The following DOCK3 variants were observed in gnomAD, a reference collection of about 807,000 sequenced individuals.
The protein encoded by DOCK3 is dedicator of cytokinesis protein 3.
Under a neutral mutation model 265.6 loss-of-function variants are expected in DOCK3, and 60 were observed. That is an observed-to-expected ratio of 0.23 (90% CI 0.18 to 0.28). DOCK3 has a LOEUF of 0.28. Ranked by LOEUF, DOCK3 falls within the 10% of genes least tolerant of loss-of-function variation. DOCK3 has a pLI of 1.00. For synonymous variants in DOCK3, 881 were observed against 938.0 expected, an observed-to-expected ratio of 0.94 and a Z score of 1.11; for missense variants, 1,981 against 2,594.3, an observed-to-expected ratio of 0.76 and a Z score of 5.14.
intron 2 of DOCK3, chr3:50,786,759 C>T: frequency 1.4e-6 from 1 of 737,054 alleles, no homozygotes; most frequent in Non-Finnish European, 2.6e-6. Flanking sequence ...GTGTTGAAAT[C>T]CTTGCCACAC....
intron 1 of DOCK3, among the ~76,000 whole-genome samples, chr3:50,707,435 TAA>T (rs778924258): frequency 3.7e-5 from 5 of 136,836 alleles, no homozygotes; most frequent in East Asian, 2.1e-4. Flanking sequence ...AGACTCTGTC[TAA>T]AAAAAAAAAA....
intron 9 of DOCK3, among the ~76,000 whole-genome samples, chr3:51,106,916 C>T (rs191924166): frequency 1.3e-4 from 20 of 152,364 alleles, no homozygotes; most frequent in Non-Finnish European, 2.9e-5. Context: ...CAAGATCCCG[C>T]TGCCACCACC....
Position 51,374,454 on chromosome 3 carries a change from C to T in DOCK3, c.5294-15C>T. 2 of 1,606,314 alleles carry T rather than the reference C, an allele frequency of 1.2e-6. No homozygotes were observed. Among genetic ancestry groups the T allele is most frequent in the Non-Finnish European group, 1.7e-6 (2 of 1,176,420 alleles). ...GGCTTGTCATCTGTGCTTGATTGTT[C>T]TCACTTGGTTACAGGCTCTCCCTCT... is the stretch of plus-strand genomic sequence containing the variant. On this transcript the variant is annotated splice_polypyrimidine_tract_variant and intron_variant, in intron 49 of 52. Coordinates refer to ENST00000266037, the MANE Select transcript of DOCK3 (RefSeq NM_004947.5). The surrounding 1 kb of genome is among the most constrained non-coding windows in gnomAD (Gnocchi z 4.8).
intron 12 of DOCK3, among the ~76,000 whole-genome samples, chr3:51,193,048 T>C (rs1157775423): frequency 2.6e-5 from 4 of 152,212 alleles, no homozygotes; most frequent in South Asian, 2.1e-4. Flanking sequence ...ATGGTAGTTA[T>C]GGGTTTGTTG....
chr3:51,081,039 T>G (rs1302517479), intron 7 of DOCK3, among the ~76,000 whole-genome samples: 1 of 152,200 alleles, frequency 6.6e-6, no homozygotes, highest in African/African-American at 2.4e-5. Flanking sequence ...GGGACATATA[T>G]TTCCATGAAT....
chr3:51,312,689 G>T, intron 30 of DOCK3, 113 bp downstream of exon 30: 2 of 1,260,486 alleles, frequency 1.6e-6, no homozygotes, highest in Non-Finnish European at 2.2e-6. Context: ...TTTCCCAGGG[G>T]CCCAAGTGTG....
At chr3:51,180,404 T>C (rs973895377) in intron 12 of DOCK3, among the ~76,000 whole-genome samples, 1 of 152,144 alleles carries the variant, frequency 6.6e-6, no homozygotes, top group African/African-American at 2.4e-5. Flanking sequence ...AAGCCAGAAG[T>C]CTGAAATCAA....
In DOCK3 at chr3:50,901,322, C is replaced by A. The variant is rs1198990715; in HGVS notation, c.218+11241C>A. Among the ~76,000 whole-genome samples, 4 of 152,110 alleles carry A rather than the reference C, an allele frequency of 2.6e-5. No homozygotes were observed. The East Asian group carries it at 5.8e-4, about 22-fold the overall frequency. ...CCTTAGTAATGGCAGACACCCCTCC[C>A]CCCACCAAGCTCGAGTGTCCCAGGT... is the stretch of plus-strand genomic sequence containing the variant. On this transcript the variant is annotated intron_variant, in intron 4 of 52. Transcript: ENST00000266037.
Position 51,253,196 on chromosome 3 carries a change from G to A in DOCK3, c.2184+6389G>A, listed in dbSNP as rs1004672991. 2.0e-5 allele frequency among the ~76,000 whole-genome samples: 3 copies of A among 152,168 alleles called. No individual in the cohort carries two copies. In the East Asian group the frequency reaches 5.8e-4, roughly 29 times the overall value. On this transcript the variant is annotated intron_variant, in intron 22 of 52. Transcript: ENST00000266037. ...GGTTTGCATATGTTGAACCAGCCTT[G>A]CATCAAAGGATGAAGCCCACTTGAT...
intron 3 of DOCK3, among the ~76,000 whole-genome samples, chr3:50,844,923 T>A (rs1471751827): frequency 6.6e-6 from 1 of 152,162 alleles, no homozygotes; most frequent in Non-Finnish European, 1.5e-5. Flanking sequence ...GTTAGAGTCA[T>A]CAAAATATTA....
At chr3:50,890,657 G>A (rs140901846) in intron 4 of DOCK3, among the ~76,000 whole-genome samples, 195 of 152,006 alleles carry the variant, frequency 1.3e-3, no homozygotes, top group African/African-American at 3.5e-3. Flanking sequence ...TTATAGTTTC[G>A]ATTTTATTTT....
intron 2 of DOCK3, among the ~76,000 whole-genome samples, chr3:50,841,353 ACAATTTTAG>A (rs1165788617): frequency 1.3e-5 from 2 of 152,222 alleles, no homozygotes; most frequent in Non-Finnish European, 2.9e-5. Context: ...AAAAAGTGAT[ACAATTTTAG>A]CATTTCTCTG....
intron 4 of DOCK3, among the ~76,000 whole-genome samples, chr3:50,916,216 C>T (rs1575521899): frequency 6.6e-6 from 1 of 152,160 alleles, no homozygotes; most frequent in East Asian, 1.9e-4. Context: ...TTGAGGCCTT[C>T]AACTGTCCAG....
chr3:51,372,158 C>T (rs745671443), intron 49 of DOCK3, among the ~76,000 whole-genome samples: 1 of 152,180 alleles, frequency 6.6e-6, no homozygotes, highest in South Asian at 2.1e-4. Flanking sequence ...CCCTGCTGAT[C>T]AAAAGGCTGA....
intron 13 of DOCK3, among the ~76,000 whole-genome samples, chr3:51,209,904 A>G (rs2089413855): frequency 1.3e-5 from 2 of 152,338 alleles, no homozygotes; most frequent in South Asian, 4.1e-4. Context: ...TTTAAATGAC[A>G]GTATTCCCTT....
In DOCK3 at chr3:50,748,207, A is replaced by G. The variant is rs563917688; in HGVS notation, c.38-30468A>G. On this transcript the variant is annotated intron_variant, in intron 1 of 52. Transcript: ENST00000266037. ...TTTTCTTTAGAGATGGGGTCTTGCT[A>G]TGTTGCCCAGGCTGATCTTGAATTC... Among the ~76,000 whole-genome samples the G allele has an allele frequency of 3.9e-5, 6 of 152,192 alleles. No homozygotes were observed. The South Asian group carries it at 8.3e-4, about 21-fold the overall frequency.
At chr3:50,790,472 G>GC (rs1353074166) in intron 2 of DOCK3, among the ~76,000 whole-genome samples, 1 of 59,696 alleles carries the variant, frequency 1.7e-5, no homozygotes, top group Non-Finnish European at 4.3e-5. Context: ...AATATTTAGA[G>GC]CTTTTTTTTT....
chr3:51,094,701 G>A (rs2082765629), intron 9 of DOCK3, among the ~76,000 whole-genome samples: 1 of 150,664 alleles, frequency 6.6e-6, no homozygotes, highest in Non-Finnish European at 1.5e-5. Context: ...CTTGTCTTCT[G>A]CTTGGTTTTG....
chr3:51,162,286 T>G (rs920402854), intron 12 of DOCK3, among the ~76,000 whole-genome samples: 2 of 152,246 alleles, frequency 1.3e-5, no homozygotes, highest in African/African-American at 4.8e-5. Flanking sequence ...CAATTTCTGT[T>G]AAGCCACATT....
Sources: gnomAD v4.1 joint callset for allele counts (sites outside exome capture counted in the v4.1 genomes callset) on GRCh38, gnomAD v4.1.1 for gene constraint, Gnocchi (gnomAD v3.1) non-coding constraint, MANE v1.5 for transcripts, NCBI Gene and HGNC (gene_info 2026-07-23, HGNC 2026-07-21) for gene names.